Variants in MALRD1 observed in about 807,000 individuals in gnomAD.
The protein encoded by MALRD1 is MAM and LDL-receptor class A domain-containing protein 1.
Under a neutral mutation model 242.1 loss-of-function variants are expected in MALRD1, and 247 were observed. That is an observed-to-expected ratio of 1.02 (90% CI 0.92 to 1.13). MALRD1 has a LOEUF of 1.13. Ranked by LOEUF, MALRD1 falls within the 50% of genes most tolerant of loss-of-function variation. The probability of loss-of-function intolerance (pLI) is 0.00; values close to 1 mark genes in which losing one functional copy is unlikely to be tolerated. For synonymous variants in MALRD1, 995 were observed against 866.6 expected (o/e 1.15, Z -2.60); for missense variants, 2,989 against 2,533.1 (o/e 1.18, Z -3.86).
rs10494863 is a variant in MALRD1, at chr10:19,523,038, G to A, written c.5321-8156G>A. 7.9e-5 allele frequency among the ~76,000 whole-genome samples: 12 copies of A among 152,210 alleles called. No individual in the cohort carries two copies. The South Asian group carries it at 2.5e-3, about 32-fold the overall frequency. ...ATTCTCTAAATTTCCCAGGAGAGTA[G>A]CACTAATTTGCAACTATGTTCTAAG... On this transcript the variant is annotated intron_variant, in intron 31 of 39. Transcript: ENST00000454679.
intron 14 of MALRD1, among the ~76,000 whole-genome samples, chr10:19,180,795 G>T (rs1835470216): frequency 6.6e-6 from 1 of 152,022 alleles, no homozygotes; most frequent in African/African-American, 2.4e-5. Context: ...TGCATATCGG[G>T]AAAAATATTT....
chr10:19,454,298 G>T (rs1835500128), intron 29 of MALRD1, among the ~76,000 whole-genome samples: 1 of 150,898 alleles, frequency 6.6e-6, no homozygotes, highest in Admixed American at 6.6e-5. Context: ...TTCTATAAGG[G>T]GGAAGGCAGG....
intron 4 of MALRD1, among the ~76,000 whole-genome samples, chr10:19,101,900 A>G (rs898238595): frequency 1.5e-5 from 2 of 137,692 alleles, no homozygotes; most frequent in Admixed American, 7.6e-5. Flanking sequence ...ATATATTAAT[A>G]TATAATATAT....
At chr10:19,181,124 G>C (rs2131557566) in intron 14 of MALRD1, among the ~76,000 whole-genome samples, 1 of 152,260 alleles carries the variant, frequency 6.6e-6, no homozygotes, top group South Asian at 2.1e-4. Flanking sequence ...AATGTGAATT[G>C]TGCAGCCATT....
chr10:19,134,163 C>A (rs917556310), intron 9 of MALRD1, among the ~76,000 whole-genome samples: 1 of 152,154 alleles, frequency 6.6e-6, no homozygotes, highest in Non-Finnish European at 1.5e-5. Context: ...TCTCCACTCT[C>A]GTTCACAGCT....
chr10:19,661,646 C>CG (rs1841443719), intron 36 of MALRD1, among the ~76,000 whole-genome samples: 1 of 151,494 alleles, frequency 6.6e-6, no homozygotes, highest in Non-Finnish European at 1.5e-5. Context: ...GGGATAGGGG[C>CG]GGGGGGAAGG....
intron 32 of MALRD1, among the ~76,000 whole-genome samples, chr10:19,562,773 G>A (rs1836043453): frequency 6.6e-6 from 1 of 152,154 alleles, no homozygotes. Context: ...ATTGGTGGCA[G>A]TGGCGTTAGA....
intron 19 of MALRD1, among the ~76,000 whole-genome samples, chr10:19,270,570 C>A (rs1253054084): frequency 6.6e-6 from 1 of 151,464 alleles, no homozygotes; most frequent in African/African-American, 2.4e-5. Flanking sequence ...AAAGCAAATG[C>A]CAGAGTTAGG....
intron 21 of MALRD1, among the ~76,000 whole-genome samples, chr10:19,302,620 A>G (rs942001893): frequency 6.6e-6 from 1 of 151,758 alleles, no homozygotes; most frequent in African/African-American, 2.4e-5. Context: ...AAGGATAGAG[A>G]AAGGTAGAAT....
At chr10:19,682,318 T>A (rs1278436529) in intron 36 of MALRD1, among the ~76,000 whole-genome samples, 1 of 152,130 alleles carries the variant, frequency 6.6e-6, no homozygotes, top group Admixed American at 6.5e-5. Flanking sequence ...TAGTGAGTAA[T>A]GAATGGGTGT....
At chr10:19,541,269 G>A (rs1242456950) in intron 32 of MALRD1, among the ~76,000 whole-genome samples, 1 of 152,114 alleles carries the variant, frequency 6.6e-6, no homozygotes, top group Non-Finnish European at 1.5e-5. Flanking sequence ...GGTAGCTTTG[G>A]AGAAAAATAT....
chr10:19,675,637 A>G (rs1842106266), intron 36 of MALRD1, among the ~76,000 whole-genome samples: 1 of 152,240 alleles, frequency 6.6e-6, no homozygotes, highest in African/African-American at 2.4e-5. Context: ...GATTATTTTA[A>G]TTATTAAATG....
At chr10:19,547,044 G>A (rs1350003275) in intron 32 of MALRD1, among the ~76,000 whole-genome samples, 1 of 152,142 alleles carries the variant, frequency 6.6e-6, no homozygotes, top group East Asian at 1.9e-4. Context: ...AAGGCATTCT[G>A]AAGGTGGTCT....
intron 33 of MALRD1, among the ~76,000 whole-genome samples, chr10:19,572,229 T>C (rs912969626): frequency 6.6e-6 from 1 of 152,244 alleles, no homozygotes; most frequent in Non-Finnish European, 1.5e-5. Flanking sequence ...CCAGAAATTC[T>C]GAGTCAGCAG....
At chr10:19,576,813 C>T (rs1244077326) in intron 33 of MALRD1, among the ~76,000 whole-genome samples, 1 of 152,138 alleles carries the variant, frequency 6.6e-6, no homozygotes, top group Non-Finnish European at 1.5e-5. Flanking sequence ...ATGAATTTAT[C>T]CTTAATCCTC....
intron 29 of MALRD1, among the ~76,000 whole-genome samples, chr10:19,478,483 A>G (rs547194124): frequency 2.6e-5 from 4 of 152,278 alleles, no homozygotes; most frequent in African/African-American, 4.8e-5. Flanking sequence ...TATCTCATCA[A>G]TCATGGTTTC....
At chr10:19,410,953 C>T (rs1020802728) in intron 28 of MALRD1, among the ~76,000 whole-genome samples, 5 of 151,984 alleles carry the variant, frequency 3.3e-5, no homozygotes, top group African/African-American at 1.2e-4. Context: ...GGATTTTTTC[C>T]ATTTTATTCA....
chr10:19,344,757 T>C (rs1844035382), intron 24 of MALRD1, among the ~76,000 whole-genome samples: 1 of 151,956 alleles, frequency 6.6e-6, no homozygotes, highest in South Asian at 2.1e-4. Context: ...TATTGAGTTT[T>C]CCAATCATGA....
chr10:19,082,119 G>A (rs973299476), intron 2 of MALRD1, among the ~76,000 whole-genome samples: 1 of 150,950 alleles, frequency 6.6e-6, no homozygotes, highest in Non-Finnish European at 1.5e-5. Flanking sequence ...ACCTTATTTT[G>A]TTAAATAGAT....
Sources: allele counts gnomAD v4.1 joint callset (sites outside exome capture counted in the v4.1 genomes callset), GRCh38; gene constraint gnomAD v4.1.1; transcripts MANE v1.5; gene names NCBI Gene and HGNC (gene_info 2026-07-23, HGNC 2026-07-21).